Variants in CCDC62 observed in about 807,000 individuals in gnomAD.
The protein encoded by CCDC62 is coiled-coil domain containing 62.
In CCDC62, 72 loss-of-function variants were observed where a neutral mutation model predicts 80.8. That is an observed-to-expected ratio of 0.89 (90% CI 0.74 to 1.08). The LOEUF is 1.08. Among genes scored for constraint, CCDC62 ranks in the 50% least tolerant of loss-of-function variants. The pLI is 0.00. For synonymous variants in CCDC62, 286 were observed against 296.5 expected (o/e 0.96, Z 0.36); for missense variants, 704 against 809.4 (o/e 0.87, Z 1.58).
intron 11 of CCDC62, among the ~76,000 whole-genome samples, chr12:122,818,440 G>C (rs142103719): frequency 7.1e-5 from 10 of 140,660 alleles, no homozygotes. Context: ...GTGACATAGC[G>C]AGACTCTGTC....
In CCDC62 at chr12:122,782,289, G is replaced by A. The variant is rs138244074; in HGVS notation, c.396+959G>A. Among the ~76,000 whole-genome samples, 582 of 152,252 alleles carry A rather than the reference G, an allele frequency of 3.8e-3. 3 individuals are homozygous for A. The Middle Eastern group carries it at 0.044, about 12-fold the overall frequency. The stretch of plus-strand genomic sequence containing the variant: ...CTCCTACAGTTTTGGTTAGCTGCAC[G>A]GCATTATCCTGTCTTAGAGATTGAG... On this transcript the variant is annotated intron_variant, in intron 3 of 12. Transcript: ENST00000253079.
chr12:122,778,715 CTAGAAA>C (rs1346134340), intron 2 of CCDC62, among the ~76,000 whole-genome samples: 11 of 152,032 alleles, frequency 7.2e-5, no homozygotes, highest in African/African-American at 2.7e-4. Context: ...CTCGTCTCTA[CTAGAAA>C]TACAAAAATT....
intron 6 of CCDC62, among the ~76,000 whole-genome samples, chr12:122,792,807 C>T (rs562282995): frequency 2.0e-5 from 3 of 152,316 alleles, no homozygotes; most frequent in Non-Finnish European, 2.9e-5. Context: ...CATGAGCCAT[C>T]ACGCCAGGCC....
At chr12:122,785,689 A>G (rs1593786285) in intron 3 of CCDC62, 30 bp from the exon 4 acceptor site, 1 of 1,401,686 alleles carries the variant, frequency 7.1e-7, no homozygotes, top group African/African-American at 1.4e-5. Context: ...AAAGGACTCA[A>G]GCAGTATCAT....
At chr12:122,786,686 C>T (rs2030260114) in intron 4 of CCDC62, among the ~76,000 whole-genome samples, 1 of 152,046 alleles carries the variant, frequency 6.6e-6, no homozygotes, top group Non-Finnish European at 1.5e-5. Flanking sequence ...AAAGGCCGGG[C>T]ACGGTGGCTC....
chr12:122,791,033 C>A (rs562652278), intron 5 of CCDC62, among the ~76,000 whole-genome samples: 8 of 152,182 alleles, frequency 5.3e-5, no homozygotes, highest in Non-Finnish European at 1.2e-4. Flanking sequence ...CAGGTCAGGT[C>A]ATGCTGGGCT....
At chr12:122,823,994 A>T (rs557221321) in intron 12 of CCDC62, among the ~76,000 whole-genome samples, 34 of 152,268 alleles carry the variant, frequency 2.2e-4, no homozygotes, top group African/African-American at 8.2e-4. Context: ...TCAAAAAAAA[A>T]AAGTTATTAT....
chr12:122,813,628 G>A (rs1206914103), intron 11 of CCDC62, among the ~76,000 whole-genome samples: 3 of 152,054 alleles, frequency 2.0e-5, no homozygotes, highest in African/African-American at 7.2e-5. Context: ...AATGATCTGG[G>A]GCATATGAAG....
intron 4 of CCDC62, 147 bp from the exon 5 acceptor site, chr12:122,788,611 A>G (rs2030410291): frequency 3.5e-6 from 2 of 570,752 alleles, no homozygotes; most frequent in Non-Finnish European, 3.1e-6. Context: ...CCACCCTCAT[A>G]GAGTTACTGT....
Position 122,801,586 on chromosome 12 carries a change from A to C in CCDC62, c.1440A>C (p.Glu480Asp), listed in dbSNP as rs761358663. 6.2e-7 allele frequency: 1 copy of C among 1,614,050 alleles called. No individual in the cohort carries two copies. The highest frequency in any genetic ancestry group is 1.3e-5 in the African/African-American group (1 of 74,918). ...ACTGTCCAAGTTCAAAACATCCAGA[A>C]AAGCTGGATGTAGAATGTCAAGATC... Reference protein sequence around the residue: ...LTNCPSSKHPEKLDVECQDQM... With the variant: ...LTNCPSSKHPDKLDVECQDQM... Residue 480 changes from glutamate to aspartate, a missense_variant, in exon 9 of 13, where the codon GAA (glutamate) becomes GAC (aspartate). Glu to Asp is a conservative substitution (Grantham distance 45). Coordinates refer to ENST00000253079, the MANE Select transcript of CCDC62 (RefSeq NM_201435.5).
chr12:122,782,537 T>C (rs1253464954), intron 3 of CCDC62, among the ~76,000 whole-genome samples: 1 of 152,108 alleles, frequency 6.6e-6, no homozygotes, highest in Non-Finnish European at 1.5e-5. Flanking sequence ...CGGCTCACCA[T>C]AACCTCTGCC....
chr12:122,813,130 G>A lies in CCDC62; in HGVS notation c.1852-140G>A, dbSNP rs534859228. On this transcript the variant is annotated intron_variant, in intron 10 of 12. Coordinates refer to ENST00000253079, the MANE Select transcript of CCDC62 (RefSeq NM_201435.5). ...GATCACTCGAGCCCAGGAGCTTGAGGCAATCAGCTGTGATTGTGCCACTGC... is the reference window on the plus strand; with the variant it reads ...GATCACTCGAGCCCAGGAGCTTGAGACAATCAGCTGTGATTGTGCCACTGC... 3.5e-4 allele frequency: 283 copies of A among 815,236 alleles called. 4 individuals carry two copies. The South Asian group carries it at 5.1e-3, about 15-fold the overall frequency. 50.5% of individuals were successfully genotyped at this position (815,236 alleles called of 1,614,324 possible). A position where few individuals can be genotyped will look rare whatever the true frequency, so the allele number is the denominator to read the frequency against.
intron 3 of CCDC62, among the ~76,000 whole-genome samples, chr12:122,783,712 A>G (rs1465548234): frequency 6.6e-6 from 1 of 152,204 alleles, no homozygotes; most frequent in African/African-American, 2.4e-5. Context: ...AAAGTGGAAG[A>G]GATCTTTTTT....
rs189933250 is a variant in CCDC62, at chr12:122,775,131, T to G, written c.36+425T>G. Among the ~76,000 whole-genome samples, 100 of 142,590 alleles carry G rather than the reference T, an allele frequency of 7.0e-4. 1 individual carries two copies. The highest frequency in any genetic ancestry group is 2.5e-3 in the African/African-American group (97 of 38,782). 93.5% of individuals were successfully genotyped at this position (142,590 alleles called of 152,430 possible). On this transcript the variant is annotated intron_variant, in intron 1 of 12. Coordinates refer to ENST00000253079, the MANE Select transcript of CCDC62 (RefSeq NM_201435.5). ...AAAAAAAAAAAGTGAAACAATACACTAGAGGAAAACGGCGTCACGACCGTT... is the reference window on the plus strand; with the variant it reads ...AAAAAAAAAAAGTGAAACAATACACGAGAGGAAAACGGCGTCACGACCGTT...
At chr12:122,783,650 TATAAA>T (rs1405300219) in intron 3 of CCDC62, among the ~76,000 whole-genome samples, 4 of 152,228 alleles carry the variant, frequency 2.6e-5, no homozygotes, top group African/African-American at 9.6e-5. Flanking sequence ...AGTTTCTAGC[TATAAA>T]ATAAGTAAAA....
At chr12:122,790,562 T>C (rs2030541077) in intron 5 of CCDC62, among the ~76,000 whole-genome samples, 1 of 151,952 alleles carries the variant, frequency 6.6e-6, no homozygotes, top group Admixed American at 6.6e-5. Context: ...AGAGGCAAAG[T>C]GAAAGGATTT....
chr12:122,794,135 A>T (rs2030796035), intron 6 of CCDC62, among the ~76,000 whole-genome samples: 1 of 152,218 alleles, frequency 6.6e-6, no homozygotes, highest in Admixed American at 6.5e-5. Flanking sequence ...CATGCACTCT[A>T]CTATGTATTA....
intron 6 of CCDC62, among the ~76,000 whole-genome samples, chr12:122,793,605 C>T (rs1010635407): frequency 3.3e-5 from 5 of 152,022 alleles, no homozygotes; most frequent in Admixed American, 1.3e-4. Flanking sequence ...CTTGGCCTTC[C>T]TAGTAGCCTG....
intron 4 of CCDC62, 22 bp from the exon 5 acceptor site, chr12:122,788,736 C>G (rs895063717): frequency 1.4e-6 from 2 of 1,451,258 alleles, no homozygotes; most frequent in South Asian, 1.3e-5. Flanking sequence ...CTAGGATAAC[C>G]ATTTTCAAAT....
Sources: gnomAD v4.1 joint callset for allele counts (sites outside exome capture counted in the v4.1 genomes callset) on GRCh38, gnomAD v4.1.1 for gene constraint, MANE v1.5 for transcripts, NCBI Gene and HGNC (gene_info 2026-07-23, HGNC 2026-07-21) for gene names.